The following SLC24A3 variants were observed in gnomAD, a reference collection of about 807,000 sequenced individuals.
SLC24A3 encodes the protein sodium/potassium/calcium exchanger 3.
Under a neutral mutation model 75.8 loss-of-function variants are expected in SLC24A3, and 28 were observed. That is an observed-to-expected ratio of 0.37 (90% CI 0.27 to 0.51). SLC24A3 has a LOEUF of 0.51. Ranked by LOEUF, SLC24A3 falls within the 20% of genes least tolerant of loss-of-function variation. The pLI, the probability that SLC24A3 is intolerant of heterozygous loss-of-function variation, is 0.94. For synonymous variants in SLC24A3, 372 were observed against 334.1 expected (o/e 1.11, Z -1.24); for missense variants, 663 against 847.8 (o/e 0.78, Z 2.71).
chr20:19,250,667 T>G (rs1189983557), intron 1 of SLC24A3, among the ~76,000 whole-genome samples: 2 of 152,210 alleles, frequency 1.3e-5, no homozygotes, highest in Non-Finnish European at 2.9e-5. Flanking sequence ...TTTTAATCCT[T>G]TTGAGATTCT....
At chr20:19,486,199 T>C (rs3058639) in intron 2 of SLC24A3, among the ~76,000 whole-genome samples, 39,447 of 152,118 alleles carry the variant, frequency 0.26, 5,654 homozygotes, top group East Asian at 0.5. Context: ...TGGTACTAAG[T>C]AGGGAAACAG....
At chr20:19,230,139 C>T (rs994360104) in intron 1 of SLC24A3, among the ~76,000 whole-genome samples, 4 of 151,818 alleles carry the variant, frequency 2.6e-5, no homozygotes, top group Non-Finnish European at 4.4e-5. Flanking sequence ...GAGTTATCAA[C>T]CTTGAAAGAG....
intron 2 of SLC24A3, among the ~76,000 whole-genome samples, chr20:19,305,803 C>G (rs1053886333): frequency 1.3e-5 from 2 of 152,136 alleles, no homozygotes; most frequent in African/African-American, 4.8e-5. Context: ...AAATATCATT[C>G]TGAACATTGA....
chr20:19,253,228 T>C (rs1982715297), intron 1 of SLC24A3, among the ~76,000 whole-genome samples: 1 of 152,198 alleles, frequency 6.6e-6, no homozygotes. Context: ...CCCAGGGCCC[T>C]GGCACATCCT....
At chr20:19,515,963 A>AT (rs1159630950) in intron 3 of SLC24A3, among the ~76,000 whole-genome samples, 1 of 151,972 alleles carries the variant, frequency 6.6e-6, no homozygotes, top group South Asian at 2.1e-4. Flanking sequence ...TTGCATAGTT[A>AT]TTTGCTTTTC....
chr20:19,646,001 G>A (rs1041118431), intron 6 of SLC24A3, among the ~76,000 whole-genome samples: 1 of 152,186 alleles, frequency 6.6e-6, no homozygotes, highest in Non-Finnish European at 1.5e-5. Context: ...GCTGCAGTGA[G>A]CCAAGATTGC....
chr20:19,286,604 A>G (rs531160412), intron 2 of SLC24A3, among the ~76,000 whole-genome samples: 24 of 152,342 alleles, frequency 1.6e-4, no homozygotes, highest in South Asian at 8.3e-4. Flanking sequence ...GAAGTAACAT[A>G]GGGCCACCCA....
intron 1 of SLC24A3, among the ~76,000 whole-genome samples, chr20:19,247,582 C>A (rs1279632407): frequency 6.6e-6 from 1 of 152,128 alleles, no homozygotes; most frequent in Non-Finnish European, 1.5e-5. Flanking sequence ...TGGTAGCCAA[C>A]AATCCCGCGT....
intron 2 of SLC24A3, among the ~76,000 whole-genome samples, chr20:19,286,716 A>G (rs1391447323): frequency 6.6e-6 from 1 of 152,252 alleles, no homozygotes; most frequent in East Asian, 1.9e-4. Context: ...TGTGAGCTAC[A>G]AGCGTACTTT....
At chr20:19,237,540 G>C (rs1600387368) in intron 1 of SLC24A3, among the ~76,000 whole-genome samples, 2 of 152,278 alleles carry the variant, frequency 1.3e-5, no homozygotes, top group Middle Eastern at 6.8e-3. Context: ...TTGCAGAACA[G>C]CTTGGGTCCA....
At chr20:19,262,421 AAAAAAG>A (rs1568572049) in intron 1 of SLC24A3, among the ~76,000 whole-genome samples, 2 of 151,502 alleles carry the variant, frequency 1.3e-5, no homozygotes, top group African/African-American at 4.8e-5. Context: ...AAAAAAAAAA[AAAAAAG>A]AAAGAGAGAG....
At chr20:19,608,067 T>G (rs1465095681) in intron 6 of SLC24A3, among the ~76,000 whole-genome samples, 2 of 152,252 alleles carry the variant, frequency 1.3e-5, no homozygotes. Context: ...TGCAAGTCAT[T>G]TTTGTCCTTC....
chr20:19,589,431 G>A (rs8113874), intron 6 of SLC24A3, among the ~76,000 whole-genome samples: 20,831 of 152,220 alleles, frequency 0.14, 1,539 homozygotes, highest in African/African-American at 0.18. Context: ...GGGCTCAGGC[G>A]GAGTGGACCT....
At chr20:19,310,278 T>C (rs78514637) in intron 2 of SLC24A3, among the ~76,000 whole-genome samples, 1 of 152,336 alleles carries the variant, frequency 6.6e-6, no homozygotes, top group East Asian at 1.9e-4. Context: ...TGAGAGCTTA[T>C]TGGCCACACA....
intron 2 of SLC24A3, among the ~76,000 whole-genome samples, chr20:19,432,554 A>G (rs1397322681): frequency 6.6e-6 from 1 of 152,074 alleles, no homozygotes; most frequent in Non-Finnish European, 1.5e-5. Context: ...GCCCCAAGAC[A>G]TTCATAAGTG....
chr20:19,681,660 A>G (rs957538801), intron 9 of SLC24A3, among the ~76,000 whole-genome samples, 198 bp from the exon 10 acceptor site: 9 of 152,098 alleles, frequency 5.9e-5, no homozygotes, highest in African/African-American at 2.2e-4. Flanking sequence ...TTCACTTACC[A>G]TTTGTTCATA....
chr20:19,382,193 T>C (rs1240571042), intron 2 of SLC24A3, among the ~76,000 whole-genome samples: 2 of 152,236 alleles, frequency 1.3e-5, no homozygotes, highest in Admixed American at 6.5e-5. Flanking sequence ...GGAATTTGGC[T>C]GATCAATTCA....
intron 1 of SLC24A3, among the ~76,000 whole-genome samples, chr20:19,263,873 G>A (rs1983073729): frequency 6.6e-6 from 1 of 152,128 alleles, no homozygotes; most frequent in Non-Finnish European, 1.5e-5. Flanking sequence ...TTCTCACTGT[G>A]AGGCATCAAG....
intron 3 of SLC24A3, among the ~76,000 whole-genome samples, chr20:19,546,307 G>T (rs2030595000): frequency 6.6e-6 from 1 of 151,946 alleles, no homozygotes; most frequent in African/African-American, 2.4e-5. Context: ...CCCTGAGCCT[G>T]TGTGGGAACC....
Sources: gnomAD v4.1 joint callset for allele counts (sites outside exome capture counted in the v4.1 genomes callset) on GRCh38, gnomAD v4.1.1 for gene constraint, MANE v1.5 for transcripts, NCBI Gene and HGNC (gene_info 2026-07-23, HGNC 2026-07-21) for gene names.